Variants in KIAA1755 observed in about 807,000 individuals in gnomAD.
KIAA1755 encodes the protein KIAA1755.
KIAA1755 carries 68 observed loss-of-function variants against 91.7 expected under a neutral mutation model. That is an observed-to-expected ratio of 0.74 (90% CI 0.61 to 0.91). KIAA1755 has a LOEUF of 0.91. Ranked by LOEUF, KIAA1755 falls within the 40% of genes least tolerant of loss-of-function variation. The pLI, the probability that KIAA1755 is intolerant of heterozygous loss-of-function variation, is 0.00. For synonymous variants in KIAA1755, 610 were observed against 604.6 expected (o/e 1.01, Z -0.13); for missense variants, 1,535 against 1,494.4 (o/e 1.03, Z -0.45).
Position 38,239,607 on chromosome 20 carries a change from C to A in KIAA1755, c.1668G>T (p.Glu556Asp). The A allele has an allele frequency of 6.2e-7, 1 of 1,606,644 alleles. No homozygotes were observed. The highest frequency in any genetic ancestry group is 1.7e-5 in the Admixed American group (1 of 58,036). The change falls in exon 4 of 14, where the codon GAG becomes GAT. Residue 556 changes from glutamate (E) to aspartate (D), a missense_variant. Glu to Asp is a conservative substitution (Grantham distance 45, BLOSUM62 2). Coordinates refer to ENST00000279024, the MANE Select transcript of KIAA1755 (RefSeq NM_001029864.2). ...TGGGCTCAGGCCCTGGGGGCTCCTC[C>A]TCCAGGGTGGGGCCTCTTTCTGGGG... Reference protein sequence around the residue: ...AGSPERGPTLEEEPPGPEPRI... With the variant: ...AGSPERGPTLDEEPPGPEPRI...
intron 5 of KIAA1755, among the ~76,000 whole-genome samples, chr20:38,229,272 C>T (rs1275189910): frequency 6.6e-6 from 1 of 152,154 alleles, no homozygotes; most frequent in Non-Finnish European, 1.5e-5. Flanking sequence ...ATAGTACCGG[C>T]CTTATGGGCT....
intron 5 of KIAA1755, 27 bp downstream of exon 5, chr20:38,231,175 A>G (rs2075854733): frequency 2.5e-6 from 4 of 1,600,650 alleles, no homozygotes; most frequent in Admixed American, 3.4e-5. Context: ...GTGGGGATGG[A>G]GCAGTCAGGG....
At chr20:38,250,487 G>GGTGTGTGTGTGTGT (rs370369766) in intron 1 of KIAA1755, among the ~76,000 whole-genome samples, 5 of 142,546 alleles carry the variant, frequency 3.5e-5, no homozygotes, top group Non-Finnish European at 6.1e-5. Context: ...TTATTATTAT[G>GGTGTGTGTGTGTGT]GTGTGTGTGT....
chr20:38,217,134 G>T lies in KIAA1755; in HGVS notation c.2901+119C>A, dbSNP rs1018147072. ...GGGGGGGCTGTGTCTAGGTATCCAA[G>T]GGATGGGGGCGGTGTCTATGCAGTC... is the stretch of plus-strand genomic sequence containing the variant. On this transcript the variant is annotated intron_variant, in intron 13 of 13. Coordinates refer to ENST00000279024, the MANE Select transcript of KIAA1755 (RefSeq NM_001029864.2). 9 of 850,330 alleles carry T rather than the reference G, an allele frequency of 1.1e-5. No homozygotes were observed. In the African/African-American group the frequency reaches 1.5e-4, roughly 14 times the overall value. 52.7% of individuals were successfully genotyped at this position (850,330 alleles called of 1,614,324 possible). A position where few individuals can be genotyped will look rare whatever the true frequency, so the allele number is the denominator to read the frequency against.
intron 10 of KIAA1755, among the ~76,000 whole-genome samples, chr20:38,220,714 G>T (rs534142528): frequency 6.6e-6 from 1 of 152,290 alleles, no homozygotes; most frequent in Non-Finnish European, 1.5e-5. Flanking sequence ...AGTGCCCAGC[G>T]CACGATGTTT....
intron 1 of KIAA1755, among the ~76,000 whole-genome samples, chr20:38,250,483 T>G (rs555892335): frequency 6.9e-6 from 1 of 145,618 alleles, no homozygotes; most frequent in South Asian, 2.3e-4. Context: ...ATTATTATTA[T>G]TATGGTGTGT....
intron 2 of KIAA1755, among the ~76,000 whole-genome samples, chr20:38,245,009 A>C (rs1396321187): frequency 6.6e-6 from 1 of 152,112 alleles, no homozygotes; most frequent in African/African-American, 2.4e-5. Flanking sequence ...TACAGGCATG[A>C]GCCACCACTG....
At position 38,255,522 on chromosome 20, in the gene KIAA1755, C is replaced by T. The variant is rs572920113; in HGVS notation, c.3+4976G>A. Among the ~76,000 whole-genome samples, 14 of 152,330 alleles carry T rather than the reference C, an allele frequency of 9.2e-5. No individual in the cohort carries two copies. In the South Asian group the frequency reaches 2.1e-3, roughly 23 times the overall value. The stretch of plus-strand genomic sequence containing the variant: ...GCCAAACACATCTGTGAGCCAGATA[C>T]GGCCCAGCGGGTGTCAGGTTGTAAT... On this transcript the variant is annotated intron_variant, in intron 1 of 13. Coordinates refer to ENST00000279024, the MANE Select transcript of KIAA1755 (RefSeq NM_001029864.2).
chr20:38,221,217 T>A (rs532032273), intron 10 of KIAA1755, among the ~76,000 whole-genome samples: 8 of 152,326 alleles, frequency 5.3e-5, no homozygotes, highest in African/African-American at 1.9e-4. Context: ...GCCTAGGGGC[T>A]GCAGGGACCC....
chr20:38,241,583 C>T lies in KIAA1755; in HGVS notation c.548G>A (p.Ser183Asn), dbSNP rs2076066572. ...IAPVPWTKIT[S>N]PEFVDDRPQV... is the part of the protein sequence containing the mutation. Reference sequence around the variant, plus strand: ...GGGTCTGTCATCCACAAACTCTGGGCTGGTTATCTTGGTCCAAGGCACAGG... The same window carrying T: ...GGGTCTGTCATCCACAAACTCTGGGTTGGTTATCTTGGTCCAAGGCACAGG... The change falls in exon 3 of 14, where the codon AGC becomes AAC. Residue 183 changes from serine (S) to asparagine (N), a missense_variant. Physicochemically the swap from Ser to Asn is conservative, Grantham distance 46. Coordinates refer to ENST00000279024, the MANE Select transcript of KIAA1755 (RefSeq NM_001029864.2). 1 of 1,614,220 alleles carries T rather than the reference C, an allele frequency of 6.2e-7. No individual in the cohort carries two copies. The highest frequency in any genetic ancestry group is 8.5e-7 in the Non-Finnish European group (1 of 1,180,034).
intron 1 of KIAA1755, among the ~76,000 whole-genome samples, chr20:38,250,486 TGG>T (rs1491095320): frequency 1.7e-4 from 20 of 120,364 alleles, no homozygotes; most frequent in South Asian, 2.9e-4. Context: ...ATTATTATTA[TGG>T]TGTGTGTGTG....
intron 1 of KIAA1755, among the ~76,000 whole-genome samples, chr20:38,255,209 T>C (rs995124390): frequency 6.6e-6 from 1 of 151,934 alleles, no homozygotes; most frequent in Admixed American, 6.6e-5. Flanking sequence ...TCCATCTTCC[T>C]GCCTCAGGCC....
chr20:38,259,820 C>CCACACA (rs57325877), intron 1 of KIAA1755, among the ~76,000 whole-genome samples: 5,311 of 138,718 alleles, frequency 0.038, 132 homozygotes, highest in Non-Finnish European at 0.046. Flanking sequence ...ACCACCACCA[C>CCACACA]CACACACACA....
At position 38,218,310 on chromosome 20, in the gene KIAA1755, C is replaced by T. The variant is rs781153836; in HGVS notation, c.2613G>A (p.Lys871=). 2 of 1,614,120 alleles carry T rather than the reference C, an allele frequency of 1.2e-6. No homozygotes were observed. Among genetic ancestry groups the T allele is most frequent in the South Asian group, 1.1e-5 (1 of 91,094 alleles). Residue 871 remains lysine (K), a synonymous_variant, in exon 12 of 14, where the codon AAG becomes AAA. Transcript: ENST00000279024. ...TCTCCACTGTCTCCAAACTTCCATC[C>T]TTGGGGGTCAGTGATTGCAGGCACC... ...GRRCLQSLTP[K]DGSLETVEKA... is the part of the protein sequence containing the mutation.
intron 6 of KIAA1755, among the ~76,000 whole-genome samples, chr20:38,227,878 A>G (rs549206133): frequency 6.6e-6 from 1 of 152,346 alleles, no homozygotes; most frequent in East Asian, 1.9e-4. Context: ...CGGGGCCAGA[A>G]ATGGAGAGAG....
Position 38,217,137 on chromosome 20 carries a change from A to AT in KIAA1755, c.2901+115dup, listed in dbSNP as rs994162290. 16 of 835,892 alleles carry AT rather than the reference A, an allele frequency of 1.9e-5. 1 individual carries two copies. Among genetic ancestry groups the AT allele is most frequent in the African/African-American group, 6.8e-5 (4 of 58,638 alleles). The allele number at this position is 835,892 out of a possible 1,614,324, so 51.8% of individuals were successfully genotyped here. On this transcript the variant is annotated intron_variant, in intron 13 of 13. Transcript: ENST00000279024. ...GGGGCTGTGTCTAGGTATCCAAGGG[A>AT]TGGGGGCGGTGTCTATGCAGTCAGG...
rs371033076 is a variant in KIAA1755, at chr20:38,219,818, T to C, written c.2418-50A>G. The C allele has an allele frequency of 1.3e-4, 206 of 1,607,990 alleles. 1 individual carries two copies. The highest frequency in any genetic ancestry group is 1.7e-4 in the Middle Eastern group (1 of 6,036). ...AAGGCCTCTGTTGCCCTCTTCACCC[T>C]GCTGTACTTCTGTCCCGCATAGGCC... On this transcript the variant is annotated intron_variant, in intron 10 of 13. Transcript: ENST00000279024.
chr20:38,240,955 T>C lies in KIAA1755; in HGVS notation c.1176A>G (p.Ser392=), dbSNP rs779486855. The part of the protein sequence containing the change: ...DCASGLRAGV[S]QEPAASKMQG... ...GCATCTTGGAGGCAGCTGGCTCTTGTGAGACACCTGCCCTGAGACCAGAGG... is the reference window on the plus strand; with the variant it reads ...GCATCTTGGAGGCAGCTGGCTCTTGCGAGACACCTGCCCTGAGACCAGAGG... Residue 392 remains serine, a synonymous_variant, in exon 3 of 14, where the codon TCA becomes TCG. Transcript: ENST00000279024. 28 of 1,613,912 alleles carry C rather than the reference T, an allele frequency of 1.7e-5. No homozygotes were observed. The highest frequency in any genetic ancestry group is 2.4e-5 in the Non-Finnish European group (28 of 1,179,962).
Position 38,219,773 on chromosome 20 carries a change from G to A in KIAA1755, c.2418-5C>T, listed in dbSNP as rs776216973. ...GTGGCTGCAGCCAGATGGCTCCTGGGAGGTGGGCGGAGGTGAGAAAAGGCC... is the reference window on the plus strand; with the variant it reads ...GTGGCTGCAGCCAGATGGCTCCTGGAAGGTGGGCGGAGGTGAGAAAAGGCC... On this transcript the variant is annotated splice_polypyrimidine_tract_variant and splice_region_variant and intron_variant, in intron 10 of 13. Transcript: ENST00000279024. 3.7e-6 allele frequency: 6 copies of A among 1,614,030 alleles called. No individual in the cohort carries two copies. The South Asian group carries it at 6.6e-5, about 18-fold the overall frequency.
Sources: gnomAD v4.1 joint callset for allele counts (sites outside exome capture counted in the v4.1 genomes callset) on GRCh38, gnomAD v4.1.1 for gene constraint, MANE v1.5 for transcripts, NCBI Gene and HGNC (gene_info 2026-07-23, HGNC 2026-07-21) for gene names.